Variants in SPOCK3 observed in about 807,000 individuals in gnomAD.
SPOCK3 encodes the protein SPARC (osteonectin), cwcv and kazal like domains proteoglycan 3.
SPOCK3 carries 30 observed loss-of-function variants against 56.6 expected under a neutral mutation model. The observed-to-expected ratio is 0.53, with a 90% CI of 0.40 to 0.72. The LOEUF is 0.72. SPOCK3 is among the 30% of genes least tolerant of loss of function. The pLI is 0.00. For missense variants in SPOCK3, 527 were observed against 530.0 expected, an observed-to-expected ratio of 0.99 and a Z score of 0.06; for synonymous variants, 196 against 183.3, an observed-to-expected ratio of 1.07 and a Z score of -0.56.
intron 4 of SPOCK3, among the ~76,000 whole-genome samples, chr4:166,961,981 T>C (rs1289640005): frequency 6.6e-6 from 1 of 152,024 alleles, no homozygotes; most frequent in Non-Finnish European, 1.5e-5. Flanking sequence ...AATTAGTCCT[T>C]GTCTTTTCTA....
chr4:166,865,264 T>C (rs1397299738), intron 6 of SPOCK3, among the ~76,000 whole-genome samples: 2 of 152,078 alleles, frequency 1.3e-5, no homozygotes, highest in Non-Finnish European at 2.9e-5. Context: ...ATAAACCAGG[T>C]ATTGATGGAA....
In SPOCK3 at chr4:167,157,753, A is replaced by AAC. The variant is rs147752913; in HGVS notation, c.189+76230_189+76231dup. ...CTAGTGCAATTTTTATTATTGTTTA[A>AAC]ACACACACACACACACAGACACACC... On this transcript the variant is annotated intron_variant, in intron 2 of 10. Coordinates refer to ENST00000357545, the MANE Select transcript of SPOCK3 (RefSeq NM_001040159.2). 3.4e-3 allele frequency among the ~76,000 whole-genome samples: 509 copies of AAC among 150,640 alleles called. 6 individuals carry two copies. In the East Asian group the frequency reaches 0.045, roughly 13 times the overall value.
At chr4:167,187,324 T>C (rs532195826) in intron 2 of SPOCK3, among the ~76,000 whole-genome samples, 2 of 151,722 alleles carry the variant, frequency 1.3e-5, no homozygotes, top group Admixed American at 6.6e-5. Context: ...ATCTCCCTCA[T>C]TGTACTCTTT....
intron 2 of SPOCK3, among the ~76,000 whole-genome samples, chr4:167,231,422 G>A (rs529754679): frequency 9.2e-5 from 14 of 152,086 alleles, no homozygotes; most frequent in South Asian, 6.2e-4. Flanking sequence ...AAGCACAAAA[G>A]TACTTCAGTT....
intron 2 of SPOCK3, among the ~76,000 whole-genome samples, chr4:167,229,740 T>A (rs1364329439): frequency 1.3e-5 from 2 of 152,170 alleles, no homozygotes; most frequent in African/African-American, 4.8e-5. Context: ...TATTTTACAT[T>A]TTCTCAATAT....
intron 2 of SPOCK3, among the ~76,000 whole-genome samples, chr4:167,112,814 T>C (rs1761011657): frequency 6.8e-6 from 1 of 147,800 alleles, no homozygotes; most frequent in Non-Finnish European, 1.5e-5. Context: ...CTAAAATATA[T>C]GCTCCAAGGA....
intron 2 of SPOCK3, among the ~76,000 whole-genome samples, chr4:167,141,361 C>G (rs1763514602): frequency 6.6e-6 from 1 of 152,018 alleles, no homozygotes; most frequent in Non-Finnish European, 1.5e-5. Flanking sequence ...AACTGTTCCA[C>G]AACACCACAT....
At chr4:167,144,552 G>A (rs1220456942) in intron 2 of SPOCK3, among the ~76,000 whole-genome samples, 1 of 151,836 alleles carries the variant, frequency 6.6e-6, no homozygotes, top group African/African-American at 2.4e-5. Context: ...AAATATAAAA[G>A]CAGAGGAAAA....
intron 2 of SPOCK3, among the ~76,000 whole-genome samples, chr4:167,152,145 T>C (rs1398580010): frequency 6.6e-6 from 1 of 152,200 alleles, no homozygotes; most frequent in Non-Finnish European, 1.5e-5. Flanking sequence ...GCTTACATCA[T>C]TGTAAAAAAT....
At chr4:166,853,987 CT>C (rs1730402881) in intron 6 of SPOCK3, among the ~76,000 whole-genome samples, 1 of 152,036 alleles carries the variant, frequency 6.6e-6, no homozygotes, top group African/African-American at 2.4e-5. Flanking sequence ...GTAAATCAGC[CT>C]TTTAAAACAA....
intron 2 of SPOCK3, among the ~76,000 whole-genome samples, chr4:167,141,202 AAAATGCCAATATGGC>A (rs1412363780): frequency 6.6e-6 from 1 of 152,028 alleles, no homozygotes; most frequent in Non-Finnish European, 1.5e-5. Flanking sequence ...TTTCCATACC[AAAATGCCAATATGGC>A]AAATCTGGAA....
intron 2 of SPOCK3, among the ~76,000 whole-genome samples, chr4:167,228,437 T>C (rs745848291): frequency 6.6e-6 from 1 of 152,110 alleles, no homozygotes; most frequent in Admixed American, 6.5e-5. Flanking sequence ...GATAAACACA[T>C]AGAAAATCGA....
At chr4:166,991,006 T>C (rs1399256958) in intron 4 of SPOCK3, among the ~76,000 whole-genome samples, 2 of 152,154 alleles carry the variant, frequency 1.3e-5, no homozygotes, top group Non-Finnish European at 2.9e-5. Context: ...TAGGTCTAAA[T>C]AATAGTGAAA....
chr4:166,749,903 A>G (rs1186273589), intron 8 of SPOCK3, among the ~76,000 whole-genome samples: 1 of 152,130 alleles, frequency 6.6e-6, no homozygotes, highest in Non-Finnish European at 1.5e-5. Flanking sequence ...TTTCAATATT[A>G]TATTGAAAAC....
At chr4:167,015,099 G>T (rs527443133) in intron 3 of SPOCK3, among the ~76,000 whole-genome samples, 119 of 152,064 alleles carry the variant, frequency 7.8e-4, no homozygotes, top group African/African-American at 2.4e-3. Context: ...GTATAATTCA[G>T]TTCTACCCCA....
At chr4:166,813,771 C>G (rs1353113646) in intron 6 of SPOCK3, among the ~76,000 whole-genome samples, 1 of 151,510 alleles carries the variant, frequency 6.6e-6, no homozygotes, top group Non-Finnish European at 1.5e-5. Context: ...CCAAAATAAA[C>G]TCATATTCTC....
intron 2 of SPOCK3, among the ~76,000 whole-genome samples, chr4:167,111,162 AC>A (rs1760871164): frequency 6.6e-6 from 1 of 152,092 alleles, no homozygotes; most frequent in Admixed American, 6.6e-5. Flanking sequence ...CTATATGTAT[AC>A]TTTATATGAA....
rs548786430 is a variant in SPOCK3 at position 166,910,538 on chromosome 4, T to C, written c.474+2082A>G. 5.3e-5 allele frequency among the ~76,000 whole-genome samples: 8 copies of C among 152,244 alleles called. 1 individual carries two copies. The South Asian group carries it at 1.7e-3, about 32-fold the overall frequency. On this transcript the variant is annotated intron_variant, in intron 5 of 10. Coordinates refer to ENST00000357545, the MANE Select transcript of SPOCK3 (RefSeq NM_001040159.2). ...GTGCTTTTAGTCTTGAATGAGAATA[T>C]GAGAGCTATTTCTTACATGCTAAGT... is the stretch of plus-strand genomic sequence containing the variant.
chr4:166,744,735 T>C (rs1256168064), intron 8 of SPOCK3, among the ~76,000 whole-genome samples: 3 of 151,888 alleles, frequency 2.0e-5, no homozygotes, highest in South Asian at 2.1e-4. Context: ...GCTAAAAACT[T>C]TGAAAAAAGA....
Sources: gnomAD v4.1 joint callset for allele counts (sites outside exome capture counted in the v4.1 genomes callset) on GRCh38, gnomAD v4.1.1 for gene constraint, MANE v1.5 for transcripts, NCBI Gene and HGNC (gene_info 2026-07-23, HGNC 2026-07-21) for gene names.